Variants in THSD7B observed in about 807,000 individuals in gnomAD.
The protein encoded by THSD7B is thrombospondin type-1 domain-containing protein 7B.
A neutral mutation model predicts 213.6 loss-of-function variants in THSD7B; 138 were observed. The observed-to-expected ratio is 0.65, with a 90% CI of 0.56 to 0.74. The LOEUF (loss-of-function observed/expected upper bound fraction) is 0.74, where lower values mean the gene tolerates loss of function less well. Among genes scored for constraint, THSD7B ranks in the 30% least tolerant of loss-of-function variants. THSD7B has a pLI of 0.00. For synonymous variants in THSD7B, 742 were observed against 687.0 expected (o/e 1.08, Z -1.25); for missense variants, 1,931 against 1,991.5 (o/e 0.97, Z 0.58).
At chr2:136,927,910 A>G (rs1178686949) in intron 2 of THSD7B, among the ~76,000 whole-genome samples, 1 of 152,230 alleles carries the variant, frequency 6.6e-6, no homozygotes, top group Non-Finnish European at 1.5e-5. Flanking sequence ...GACACTTTCA[A>G]TTCTTATCAT....
chr2:137,447,948 A>C (rs1389234404), intron 14 of THSD7B, among the ~76,000 whole-genome samples: 1 of 152,190 alleles, frequency 6.6e-6, no homozygotes, highest in African/African-American at 2.4e-5. Context: ...GAAGAAAAAA[A>C]TATGAGAATG....
At chr2:136,974,217 T>C (rs2104802037) in intron 2 of THSD7B, among the ~76,000 whole-genome samples, 1 of 152,306 alleles carries the variant, frequency 6.6e-6, no homozygotes, top group South Asian at 2.1e-4. Context: ...TTACTTTAAG[T>C]TCCAGGGTAC....
intron 14 of THSD7B, among the ~76,000 whole-genome samples, chr2:137,431,330 T>C (rs868638907): frequency 9.8e-5 from 15 of 152,316 alleles, no homozygotes; most frequent in African/African-American, 3.6e-4. Flanking sequence ...CAGGTTAAGA[T>C]AAAAGATTGT....
chr2:137,419,064 C>T (rs1266846830), intron 14 of THSD7B, among the ~76,000 whole-genome samples: 1 of 151,960 alleles, frequency 6.6e-6, no homozygotes, highest in Non-Finnish European at 1.5e-5. Context: ...CCTGCCACCA[C>T]ACCTAGCTAA....
chr2:137,228,779 C>T (rs1003067528), intron 7 of THSD7B, among the ~76,000 whole-genome samples: 1 of 152,232 alleles, frequency 6.6e-6, no homozygotes, highest in African/African-American at 2.4e-5. Flanking sequence ...TTTTGGCCTT[C>T]GTTTTACTTT....
chr2:137,312,970 A>G (rs1236491467), intron 12 of THSD7B, among the ~76,000 whole-genome samples: 36 of 148,474 alleles, frequency 2.4e-4, no homozygotes, highest in Admixed American at 6.7e-4. Flanking sequence ...GTGCTGAAAA[A>G]AATGTATATT....
At chr2:137,380,122 C>T (rs145924563) in intron 12 of THSD7B, among the ~76,000 whole-genome samples, 2 of 152,212 alleles carry the variant, frequency 1.3e-5, no homozygotes, top group African/African-American at 2.4e-5. Flanking sequence ...GTCAACAAAA[C>T]ACATTTGGGC....
At chr2:137,356,998 AC>A (rs1685148656) in intron 12 of THSD7B, among the ~76,000 whole-genome samples, 1 of 149,758 alleles carries the variant, frequency 6.7e-6, no homozygotes, top group African/African-American at 2.5e-5. Flanking sequence ...ACACACACAC[AC>A]ACACACTTTA....
At chr2:137,017,379 C>T (rs946280532) in intron 2 of THSD7B, among the ~76,000 whole-genome samples, 1 of 151,426 alleles carries the variant, frequency 6.6e-6, no homozygotes, top group African/African-American at 2.4e-5. Flanking sequence ...GGAAAAGAGA[C>T]ATGTACCATT....
chr2:137,349,284 T>G (rs1684957854), intron 12 of THSD7B, among the ~76,000 whole-genome samples: 1 of 151,786 alleles, frequency 6.6e-6, no homozygotes. Context: ...TAACAGCATT[T>G]TTATCCATTT....
intron 14 of THSD7B, among the ~76,000 whole-genome samples, chr2:137,418,466 A>C (rs1050532202): frequency 6.6e-6 from 1 of 152,186 alleles, no homozygotes; most frequent in Non-Finnish European, 1.5e-5. Flanking sequence ...TCTGCATACA[A>C]CTGATAATTT....
At chr2:137,399,010 G>C (rs1032294031) in intron 12 of THSD7B, among the ~76,000 whole-genome samples, 2 of 152,036 alleles carry the variant, frequency 1.3e-5, no homozygotes, top group African/African-American at 4.8e-5. Context: ...GCAATGCCTC[G>C]CCCTGCTTCG....
intron 12 of THSD7B, among the ~76,000 whole-genome samples, chr2:137,310,834 T>C (rs1174631931): frequency 3.9e-5 from 6 of 152,072 alleles, no homozygotes; most frequent in Admixed American, 3.9e-4. Flanking sequence ...GCGTTATTTC[T>C]GAGGGCTCTG....
At chr2:137,270,309 C>T (rs1207505526) in intron 10 of THSD7B, among the ~76,000 whole-genome samples, 1 of 152,048 alleles carries the variant, frequency 6.6e-6, no homozygotes, top group Non-Finnish European at 1.5e-5. Context: ...ACTGATGCAG[C>T]CCATCTCTGG....
intron 7 of THSD7B, among the ~76,000 whole-genome samples, chr2:137,222,748 G>A (rs4610107): frequency 0.28 from 42,391 of 152,088 alleles, 6,637 homozygotes; most frequent in Non-Finnish European, 0.35. Context: ...GCAAGAGCCA[G>A]GCGTATAGAA....
chr2:136,838,836 C>G (rs996270688), intron 1 of THSD7B, among the ~76,000 whole-genome samples: 2 of 152,026 alleles, frequency 1.3e-5, no homozygotes, highest in African/African-American at 2.4e-5. Flanking sequence ...TGTTTTTTCC[C>G]CAAGTATAAA....
chr2:136,879,704 G>GCTGTATT (rs1226803286), intron 1 of THSD7B, among the ~76,000 whole-genome samples: 1 of 152,074 alleles, frequency 6.6e-6, no homozygotes, highest in Non-Finnish European at 1.5e-5. Flanking sequence ...CCATCAGTGT[G>GCTGTATT]CTGTATTCAG....
chr2:137,329,833 A>G (rs1372439305), intron 12 of THSD7B, among the ~76,000 whole-genome samples: 2 of 152,200 alleles, frequency 1.3e-5, no homozygotes, highest in African/African-American at 4.8e-5. Context: ...GTTGATCACC[A>G]AGACAATGGG....
At chr2:137,201,622 A>C (rs945045565) in intron 7 of THSD7B, among the ~76,000 whole-genome samples, 3 of 152,198 alleles carry the variant, frequency 2.0e-5, no homozygotes, top group African/African-American at 4.8e-5. Context: ...AAAAACAAAC[A>C]AAACCAAACC....
Sources: gnomAD v4.1 joint callset for allele counts (sites outside exome capture counted in the v4.1 genomes callset) on GRCh38, gnomAD v4.1.1 for gene constraint, MANE v1.5 for transcripts, NCBI Gene and HGNC (gene_info 2026-07-23, HGNC 2026-07-21) for gene names.